Variants in RBFOX1 observed in about 807,000 individuals in gnomAD.
The protein encoded by RBFOX1 is RNA binding protein fox-1 homolog 1.
In RBFOX1, 8 loss-of-function variants were observed where a neutral mutation model predicts 57.7. The observed-to-expected ratio is 0.14, with a 90% CI of 0.08 to 0.25. RBFOX1 has a LOEUF of 0.25. RBFOX1 is among the 10% of genes least tolerant of loss of function. RBFOX1 has a pLI of 1.00. For missense variants in RBFOX1, 611 were observed against 548.5 expected, an observed-to-expected ratio of 1.11 and a Z score of -1.14; for synonymous variants, 326 against 222.4, an observed-to-expected ratio of 1.47 and a Z score of -4.15.
intron 4 of RBFOX1, among the ~76,000 whole-genome samples, chr16:7,480,695 C>G (rs921453300): frequency 6.6e-6 from 1 of 152,180 alleles, no homozygotes; most frequent in Non-Finnish European, 1.5e-5. Context: ...GCACAGGCCA[C>G]TTTCTGCTGC....
At chr16:5,467,379 C>T (rs2068986856) in intron 2 of RBFOX1, 4 of 870,672 alleles carry the variant, frequency 4.6e-6, no homozygotes, top group African/African-American at 3.4e-5. Flanking sequence ...TAATCAACCA[C>T]AGCACAGTTC....
chr16:6,843,515 C>G (rs1164135456), intron 3 of RBFOX1, among the ~76,000 whole-genome samples: 2 of 151,866 alleles, frequency 1.3e-5, no homozygotes, highest in Non-Finnish European at 2.9e-5. Context: ...TGTGAAACCC[C>G]GTCTGTACTA....
At chr16:5,743,617 C>G (rs925410492) in intron 3 of RBFOX1, among the ~76,000 whole-genome samples, 2 of 152,128 alleles carry the variant, frequency 1.3e-5, no homozygotes, top group Admixed American at 6.5e-5. Context: ...TTTAATGTGG[C>G]TACTGGGAAA....
chr16:7,010,027 C>T (rs538441405), intron 3 of RBFOX1, among the ~76,000 whole-genome samples: 16 of 135,656 alleles, frequency 1.2e-4, no homozygotes, highest in Middle Eastern at 3.8e-3. Flanking sequence ...TCAGAGAACT[C>T]TTAAGAAAAA....
At chr16:6,071,503 G>C (rs959114045) in intron 1 of RBFOX1, among the ~76,000 whole-genome samples, 1 of 151,180 alleles carries the variant, frequency 6.6e-6, no homozygotes, top group Non-Finnish European at 1.5e-5. Context: ...TAACAAACCT[G>C]CATGTGTAGT....
intron 3 of RBFOX1, among the ~76,000 whole-genome samples, chr16:5,712,899 A>G (rs538535876): frequency 6.6e-6 from 1 of 152,264 alleles, no homozygotes; most frequent in African/African-American, 2.4e-5. Flanking sequence ...GTTTTTAAAT[A>G]TTGACTAGTC....
At chr16:6,227,126 G>GAA (rs980627090) in intron 1 of RBFOX1, among the ~76,000 whole-genome samples, 2 of 147,690 alleles carry the variant, frequency 1.4e-5, no homozygotes, top group African/African-American at 5.0e-5. Flanking sequence ...TCTGTCTCAA[G>GAA]AAAAAAAAAA....
chr16:5,418,099 C>CAACAAT (rs1275505783), intron 1 of RBFOX1, among the ~76,000 whole-genome samples: 1 of 150,876 alleles, frequency 6.6e-6, no homozygotes, highest in African/African-American at 2.5e-5. Flanking sequence ...ACAACAACAA[C>CAACAAT]AACAAATCTG....
chr16:6,349,515 T>C lies in RBFOX1; in HGVS notation c.-64+32458T>C, dbSNP rs78959588. ...GTTCAACATCCTTTAAAAGGATCCC[T>C]TTGAGAAAAGCTGACTTCTTGACCT... On this transcript the variant is annotated intron_variant, in intron 2 of 15. Transcript: ENST00000550418. Among the ~76,000 whole-genome samples, 790 of 152,344 alleles carry C rather than the reference T, an allele frequency of 5.2e-3. 39 individuals are homozygous for C. The East Asian group carries it at 0.11, about 20-fold the overall frequency.
chr16:7,709,092 C>A lies in RBFOX1; in HGVS notation c.1032C>A (p.His344Gln). The stretch of plus-strand genomic sequence containing the variant: ...TTTATGCTGCCGACCCCTACCACCA[C>A]GCACTTGCTCCAGCCCCCACCTACG... ...GRVYAADPYHHALAPAPTYGV... is the reference protein window; with the variant it reads ...GRVYAADPYHQALAPAPTYGV... The change falls in exon 15 of 16, where the codon CAC becomes CAA. Residue 344 changes from histidine (H) to glutamine (Q), a missense_variant. Coordinates refer to ENST00000550418, the MANE Select transcript of RBFOX1 (RefSeq NM_018723.4). 1 of 1,613,632 alleles carries A rather than the reference C, an allele frequency of 6.2e-7. No individual in the cohort carries two copies. The highest frequency in any genetic ancestry group is 8.5e-7 in the Non-Finnish European group (1 of 1,179,742).
At chr16:6,747,236 C>G (rs899718542) in intron 3 of RBFOX1, among the ~76,000 whole-genome samples, 5 of 152,096 alleles carry the variant, frequency 3.3e-5, no homozygotes, top group African/African-American at 1.2e-4. Flanking sequence ...GGTGAAAACC[C>G]CGTCTCTACT....
In RBFOX1 at chr16:6,840,375, C is replaced by G. The variant is rs368467920; in HGVS notation, c.-16+185725C>G. On this transcript the variant is annotated intron_variant, in intron 3 of 15. Transcript: ENST00000550418. The stretch of plus-strand genomic sequence containing the variant: ...CATTGGTCCCTGTATTTCAGGATTC[C>G]TGCGTTGGTTCCTCCATTCCTTCAT... Among the ~76,000 whole-genome samples, 220 of 152,252 alleles carry G rather than the reference C, an allele frequency of 1.4e-3. 1 individual carries two copies. Among genetic ancestry groups the G allele is most frequent in the African/African-American group, 5.2e-3 (217 of 41,544 alleles).
At chr16:5,361,782 A>C (rs964593651) in intron 1 of RBFOX1, among the ~76,000 whole-genome samples, 2 of 152,226 alleles carry the variant, frequency 1.3e-5, no homozygotes, top group Admixed American at 1.3e-4. Flanking sequence ...GTCTCAGGTG[A>C]GCCTGCCTGG....
intron 11 of RBFOX1, among the ~76,000 whole-genome samples, chr16:7,642,011 G>C (rs1362095524): frequency 6.6e-6 from 1 of 152,148 alleles, no homozygotes; most frequent in Non-Finnish European, 1.5e-5. Context: ...GCTACTGGAA[G>C]GGCTGAGGTG....
intron 4 of RBFOX1, among the ~76,000 whole-genome samples, chr16:5,872,573 GA>G (rs2057500750): frequency 6.6e-6 from 1 of 151,420 alleles, no homozygotes. Flanking sequence ...AATCTCTACA[GA>G]AAGAAAAAAA....
At chr16:7,189,281 C>T (rs540640237) in intron 4 of RBFOX1, among the ~76,000 whole-genome samples, 1 of 151,774 alleles carries the variant, frequency 6.6e-6, no homozygotes, top group Non-Finnish European at 1.5e-5. Context: ...AAAAAATTAG[C>T]CGGGCGTGGT....
At chr16:6,813,758 A>G (rs1419650528) in intron 3 of RBFOX1, among the ~76,000 whole-genome samples, 2 of 152,186 alleles carry the variant, frequency 1.3e-5, no homozygotes, top group East Asian at 3.9e-4. Context: ...CCTCCTGGGC[A>G]TGCCAATGGC....
intron 1 of RBFOX1, among the ~76,000 whole-genome samples, chr16:6,073,542 G>T (rs2095860973): frequency 6.6e-6 from 1 of 152,182 alleles, no homozygotes; most frequent in Non-Finnish European, 1.5e-5. Context: ...TGTTGAATTA[G>T]CTGAAGCATT....
chr16:5,955,952 G>A (rs190082746), intron 4 of RBFOX1, among the ~76,000 whole-genome samples: 2 of 152,218 alleles, frequency 1.3e-5, no homozygotes, highest in Admixed American at 1.3e-4. Context: ...ATTTGTAGGG[G>A]TGCACATCTA....
Sources: allele counts gnomAD v4.1 joint callset (sites outside exome capture counted in the v4.1 genomes callset), GRCh38; gene constraint gnomAD v4.1.1; transcripts MANE v1.5; gene names NCBI Gene and HGNC (gene_info 2026-07-23, HGNC 2026-07-21).